MLKL: variants seen among roughly 807,000 people sequenced by gnomAD.
MLKL encodes mixed lineage kinase domain like pseudokinase, also known as mixed lineage kinase domain-like protein.
Under a neutral mutation model 56.5 loss-of-function variants are expected in MLKL, and 55 were observed. That is an observed-to-expected ratio of 0.97 (90% CI 0.78 to 1.22). The LOEUF (loss-of-function observed/expected upper bound fraction) is 1.22, where lower values mean the gene tolerates loss of function less well. Among genes scored for constraint, MLKL ranks in the 50% most tolerant of loss-of-function variants. MLKL has a pLI of 0.00. For missense variants in MLKL, 694 were observed against 573.9 expected, an observed-to-expected ratio of 1.21 and a Z score of -2.14; for synonymous variants, 251 against 208.3, an observed-to-expected ratio of 1.20 and a Z score of -1.76.
At chr16:74,690,385 C>T (rs1268391084) in intron 4 of MLKL, among the ~76,000 whole-genome samples, 1 of 152,094 alleles carries the variant, frequency 6.6e-6, no homozygotes. Flanking sequence ...CATTTTCTCT[C>T]CTGGTGCTAT....
chr16:74,674,456 AT>A (rs532485718), intron 10 of MLKL, among the ~76,000 whole-genome samples: 66 of 142,860 alleles, frequency 4.6e-4, no homozygotes, highest in African/African-American at 1.3e-3. Context: ...CCTGGCCAAC[AT>A]TTTTTTTTTT....
In MLKL at chr16:74,691,295, A is replaced by T. The variant is rs1202737257; in HGVS notation, c.704T>A (p.Leu235His). 1 of 1,611,092 alleles carries T rather than the reference A, an allele frequency of 6.2e-7. No homozygotes were observed. Residue 235 changes from leucine to histidine, a missense_variant, in exon 4 of 11, where the codon CTC becomes CAC. Physicochemically the swap from Leu to His is moderately conservative, Grantham distance 99 (BLOSUM62 -3). Coordinates refer to ENST00000308807, the MANE Select transcript of MLKL (RefSeq NM_152649.4). The stretch of plus-strand genomic sequence containing the variant: ...AACTTACGCAATGCTGCCAGCCTGG[A>T]GTTTTTTGAATACTTTTATGGCCAC... ...APVAIKVFKK[L>H]QAGSIAIVRQ...
chr16:74,693,753 A>G (rs1960839246), intron 2 of MLKL, among the ~76,000 whole-genome samples: 1 of 151,564 alleles, frequency 6.6e-6, no homozygotes, highest in Admixed American at 6.6e-5. Flanking sequence ...ACAGGCGCCC[A>G]CCACCTCGCC....
In MLKL at chr16:74,675,039, AC is replaced by A. The variant is rs1347094321; in HGVS notation, c.1301del (p.Gly434ValfsTer30). 2 of 1,614,008 alleles carry A rather than the reference AC, an allele frequency of 1.2e-6. No individual in the cohort carries two copies. The highest frequency in any genetic ancestry group is 8.5e-7 in the Non-Finnish European group (1 of 1,180,028). On this transcript the variant is annotated frameshift_variant, in exon 10 of 11. Coordinates refer to ENST00000308807, the MANE Select transcript of MLKL (RefSeq NM_152649.4). LOFTEE classifies it high-confidence loss of function. ...CCCGCAGCTCTGAAGGGCAGTCTTC[AC>A]CCAGTGGCTCCTGCTGCCGCTTCAC... ...VAVKRQQEPL[G>X]EDCPSELREI...
In MLKL at chr16:74,678,983, G is replaced by A. The variant is rs1959775952; in HGVS notation, c.957-3C>T. 1.2e-6 allele frequency: 2 copies of A among 1,613,532 alleles called. No homozygotes were observed. Among genetic ancestry groups the A allele is most frequent in the East Asian group, 4.5e-5 (2 of 44,864 alleles). ...CAGGTGCTTCTGAATGGTGTAGCCT[G>A]ACACAGCCAAAGGCGGGGAGCATAA... On this transcript the variant is annotated splice_polypyrimidine_tract_variant and splice_region_variant and intron_variant, in intron 6 of 10. Coordinates refer to ENST00000308807, the MANE Select transcript of MLKL (RefSeq NM_152649.4).
intron 1 of MLKL, among the ~76,000 whole-genome samples, chr16:74,697,403 T>A (rs932114548): frequency 7.2e-5 from 11 of 152,172 alleles, no homozygotes; most frequent in African/African-American, 2.4e-4. Flanking sequence ...GTTTGAATCA[T>A]GTTTGCTTTA....
At position 74,691,313 on chromosome 16, in the gene MLKL, A is replaced by G; in HGVS notation, c.686T>C (p.Ile229Thr). 1 of 1,612,618 alleles carries G rather than the reference A, an allele frequency of 6.2e-7. No individual in the cohort carries two copies. Among genetic ancestry groups the G allele is most frequent in the South Asian group, 1.1e-5 (1 of 90,886 alleles). Residue 229 changes from isoleucine (I) to threonine (T), a missense_variant, in exon 4 of 11, where the codon ATA becomes ACA. Physicochemically the swap from Ile to Thr is moderately conservative, Grantham distance 89. Transcript: ENST00000308807. ...AGCCTGGAGTTTTTTGAATACTTTT[A>G]TGGCCACTGGAGCTCTGTGGTATTC... ...KGEYHRAPVA[I>T]KVFKKLQAGS...
At chr16:74,691,595 G>C (rs548518692) in intron 3 of MLKL, 132 bp from the exon 4 acceptor site, 92 of 985,628 alleles carry the variant, frequency 9.3e-5, no homozygotes, top group Non-Finnish European at 1.3e-4. Context: ...TGGTGGCTGG[G>C]GCTTCTGATG....
rs780412276 is a variant in MLKL, at chr16:74,678,982, T to C, written c.957-2A>G. 45 of 1,613,480 alleles carry C rather than the reference T, an allele frequency of 2.8e-5. No individual in the cohort carries two copies. In the East Asian group the frequency reaches 9.4e-4, roughly 34 times the overall value. On this transcript the variant is annotated splice_acceptor_variant, in intron 6 of 10. Transcript: ENST00000308807. LOFTEE classifies it high-confidence loss of function. ...TCAGGTGCTTCTGAATGGTGTAGCC[T>C]GACACAGCCAAAGGCGGGGAGCATA...
Position 74,695,575 on chromosome 16 carries a change from G to T in MLKL, c.183C>A (p.Ala61=), listed in dbSNP as rs745650744. The change falls in exon 2 of 11, where the codon GCC becomes GCA. Residue 61 remains alanine (A), a synonymous_variant. Transcript: ENST00000308807. ...RSVPSEKLTT[A]MNRFKAALEE... is the part of the protein sequence containing the mutation. ...CCAGGGCAGCCTTGAAGCGGTTCAT[G>T]GCTGTGGTTAACTTCTCAGAGGGCA... is the stretch of plus-strand genomic sequence containing the variant. The T allele has an allele frequency of 1.2e-6, 2 of 1,614,088 alleles. No homozygotes were observed. The highest frequency in any genetic ancestry group is 2.7e-5 in the African/African-American group (2 of 74,930).
intron 6 of MLKL, among the ~76,000 whole-genome samples, chr16:74,679,869 G>A (rs1056024151): frequency 2.0e-5 from 3 of 152,070 alleles, no homozygotes; most frequent in African/African-American, 7.2e-5. Context: ...GGTGCTCCCA[G>A]GAGAAATGGT....
Position 74,691,472 on chromosome 16 carries a change from A to AC in MLKL, c.536-10dup, listed in dbSNP as rs1229696230. On this transcript the variant is annotated splice_polypyrimidine_tract_variant and intron_variant, in intron 3 of 10. Coordinates refer to ENST00000308807, the MANE Select transcript of MLKL (RefSeq NM_152649.4). ...GCATTTTGGTGGTAAATCTGACCTC[A>AC]CCCCCGAGAGGAAAGAAGACAAAAG... is the stretch of plus-strand genomic sequence containing the variant. 10 of 1,606,468 alleles carry AC rather than the reference A, an allele frequency of 6.2e-6. No homozygotes were observed. Among genetic ancestry groups the AC allele is most frequent in the Non-Finnish European group, 8.5e-6 (10 of 1,178,072 alleles).
At chr16:74,696,685 C>T (rs1003061983) in intron 1 of MLKL, among the ~76,000 whole-genome samples, 3 of 151,084 alleles carry the variant, frequency 2.0e-5, no homozygotes, top group Non-Finnish European at 4.4e-5. Context: ...TGGCTGGGCG[C>T]GGTGACTCAC....
intron 6 of MLKL, among the ~76,000 whole-genome samples, chr16:74,681,667 A>G (rs12932878): frequency 0.66 from 100,433 of 151,438 alleles, 33,391 homozygotes; most frequent in East Asian, 0.75. Flanking sequence ...AGTGGCAGGC[A>G]CCTGTAGTCC....
intron 5 of MLKL, among the ~76,000 whole-genome samples, chr16:74,684,706 G>C (rs1236024920): frequency 2.6e-5 from 4 of 151,900 alleles, no homozygotes; most frequent in African/African-American, 9.7e-5. Context: ...ATGTTGGCCA[G>C]GACGGTCTCA....
intron 7 of MLKL, 59 bp downstream of exon 7, chr16:74,678,840 C>T (rs2144468465): frequency 8.3e-7 from 1 of 1,208,720 alleles, no homozygotes; most frequent in East Asian, 2.3e-5. Context: ...CACTCGTGCC[C>T]CTCTCATAGC....
Position 74,692,334 on chromosome 16 carries a change from T to C in MLKL, c.535+8A>G, listed in dbSNP as rs372237701. The C allele has an allele frequency of 1.6e-5, 26 of 1,612,458 alleles. No individual in the cohort carries two copies. In the African/African-American group the frequency reaches 3.2e-4, roughly 20 times the overall value. ...CCATCAGAAACAGCAGGGCACATGA[T>C]AACTTACACTGCCTCAAAGTTTCCT... On this transcript the variant is annotated splice_region_variant and intron_variant, in intron 3 of 10. Transcript: ENST00000308807.
intron 1 of MLKL, 65 bp downstream of exon 1, chr16:74,700,388 C>G (rs942396426): frequency 1.3e-5 from 2 of 152,402 alleles, no homozygotes; most frequent in African/African-American, 4.8e-5. Flanking sequence ...TTCTTCCCAT[C>G]ACCGTCCAGG....
intron 3 of MLKL, 85 bp downstream of exon 3, chr16:74,692,257 G>C: frequency 8.2e-7 from 1 of 1,213,722 alleles, no homozygotes; most frequent in Non-Finnish European, 1.2e-6. Context: ...GACAAATGCA[G>C]GGGTAGCGGG....
Sources: gnomAD v4.1 joint callset for allele counts (sites outside exome capture counted in the v4.1 genomes callset) on GRCh38, gnomAD v4.1.1 for gene constraint, MANE v1.5 for transcripts, NCBI Gene and HGNC (gene_info 2026-07-23, HGNC 2026-07-21) for gene names.